CSMD1: variants seen among roughly 807,000 people sequenced by gnomAD.
CSMD1 encodes CUB and Sushi multiple domains 1, also known as CUB and sushi domain-containing protein 1.
CSMD1 carries 213 observed loss-of-function variants against 417.5 expected under a neutral mutation model. That is an observed-to-expected ratio of 0.51 (90% confidence interval 0.46 to 0.57). The LOEUF is 0.57. Among genes scored for constraint, CSMD1 ranks in the 20% least tolerant of loss-of-function variants. CSMD1 has a pLI of 0.00. For missense variants in CSMD1, 6,923 were observed against 4,529.7 expected (o/e 1.53, Z -15.17); for synonymous variants, 2,862 against 1,736.8 (o/e 1.65, Z -16.11).
chr8:3,764,427 G>A (rs1798162514), intron 5 of CSMD1, among the ~76,000 whole-genome samples: 1 of 152,176 alleles, frequency 6.6e-6, no homozygotes, highest in Non-Finnish European at 1.5e-5. Context: ...GTATGAGTGT[G>A]AGACACCTTA....
intron 21 of CSMD1, among the ~76,000 whole-genome samples, chr8:3,351,082 A>G (rs1808389842): frequency 6.6e-6 from 1 of 152,224 alleles, no homozygotes; most frequent in African/African-American, 2.4e-5. Flanking sequence ...AAAGTCTTCT[A>G]TTAGTATCTG....
chr8:4,727,439 G>A (rs371010382), intron 1 of CSMD1, among the ~76,000 whole-genome samples: 10 of 152,176 alleles, frequency 6.6e-5, no homozygotes, highest in South Asian at 2.1e-4. Context: ...GGAATTATGC[G>A]TAAGATAGTT....
At chr8:3,447,740 G>A (rs1784400332) in intron 12 of CSMD1, among the ~76,000 whole-genome samples, 1 of 152,214 alleles carries the variant, frequency 6.6e-6, no homozygotes, top group African/African-American at 2.4e-5. Flanking sequence ...CAGGTCACTT[G>A]GAGTGGCCAG....
chr8:3,584,217 A>G (rs558657020), intron 9 of CSMD1, among the ~76,000 whole-genome samples: 1 of 152,238 alleles, frequency 6.6e-6, no homozygotes, highest in East Asian at 1.9e-4. Flanking sequence ...CGAGGGAATC[A>G]TCAGTAAGAA....
At chr8:3,774,746 T>A (rs1384566154) in intron 5 of CSMD1, among the ~76,000 whole-genome samples, 1 of 152,204 alleles carries the variant, frequency 6.6e-6, no homozygotes. Context: ...AAAGGATTTC[T>A]ATTTACTATT....
At chr8:4,789,023 G>A (rs752988446) in intron 1 of CSMD1, among the ~76,000 whole-genome samples, 1 of 152,118 alleles carries the variant, frequency 6.6e-6, no homozygotes, top group Non-Finnish European at 1.5e-5. Flanking sequence ...CAGACTACCA[G>A]GGTCTCACTC....
chr8:3,444,885 T>C (rs1815205040), intron 12 of CSMD1, among the ~76,000 whole-genome samples: 1 of 152,166 alleles, frequency 6.6e-6, no homozygotes, highest in South Asian at 2.1e-4. Context: ...TTGTGGCATT[T>C]AGTCAATAAA....
In CSMD1 at chr8:3,254,984, T is replaced by G. The variant is rs182698880; in HGVS notation, c.4154-24753A>C. Among the ~76,000 whole-genome samples the G allele has an allele frequency of 2.6e-3, 390 of 152,324 alleles. 3 individuals carry two copies. The highest frequency in any genetic ancestry group is 9.1e-3 in the African/African-American group (379 of 41,572). On this transcript the variant is annotated intron_variant, in intron 26 of 69. Transcript: ENST00000635120. ...GTTTACAGTTTTTCTGCTCTGTTTT[T>G]TCCCCATCTTTGTGGTTTTATCTAC... is the stretch of plus-strand genomic sequence containing the variant.
chr8:4,227,029 T>A lies in CSMD1; in HGVS notation c.415+192924A>T, dbSNP rs936280287. 2.0e-5 allele frequency among the ~76,000 whole-genome samples: 3 copies of A among 152,234 alleles called. No homozygotes were observed. In the South Asian group the frequency reaches 6.2e-4, roughly 32 times the overall value. ...CCCGTCATTATCTCTGCAGGTGAGATGGGTCTGTATCAACTCTAAGACTGA... is the reference window on the plus strand; with the variant it reads ...CCCGTCATTATCTCTGCAGGTGAGAAGGGTCTGTATCAACTCTAAGACTGA... On this transcript the variant is annotated intron_variant, in intron 3 of 69. Coordinates refer to ENST00000635120, the MANE Select transcript of CSMD1 (RefSeq NM_033225.6).
chr8:4,790,526 C>G (rs1163509620), intron 1 of CSMD1, among the ~76,000 whole-genome samples: 1 of 152,112 alleles, frequency 6.6e-6, no homozygotes, highest in Non-Finnish European at 1.5e-5. Context: ...AAAGCTAAGG[C>G]AATCCTAAGC....
At chr8:3,897,911 T>C (rs1807472384) in intron 5 of CSMD1, among the ~76,000 whole-genome samples, 1 of 152,206 alleles carries the variant, frequency 6.6e-6, no homozygotes, top group East Asian at 1.9e-4. Flanking sequence ...GCCATGTGGA[T>C]GATACAGTGT....
intron 1 of CSMD1, among the ~76,000 whole-genome samples, chr8:4,911,799 G>T (rs60782594): frequency 1.3e-5 from 2 of 152,050 alleles, no homozygotes; most frequent in Non-Finnish European, 2.9e-5. Flanking sequence ...ATCACTTCTA[G>T]ATTGGAGTTG....
chr8:3,359,941 G>C (rs1282871577), intron 20 of CSMD1, among the ~76,000 whole-genome samples: 1 of 152,148 alleles, frequency 6.6e-6, no homozygotes, highest in African/African-American at 2.4e-5. Context: ...CTTCAAAACT[G>C]TCAGCTTGAG....
At chr8:4,342,072 T>C (rs1800507998) in intron 3 of CSMD1, among the ~76,000 whole-genome samples, 1 of 152,058 alleles carries the variant, frequency 6.6e-6, no homozygotes, top group South Asian at 2.1e-4. Flanking sequence ...GATCCTGCAG[T>C]TCAAGTAGCG....
chr8:4,070,492 G>A (rs1193873710), intron 3 of CSMD1, among the ~76,000 whole-genome samples: 1 of 151,974 alleles, frequency 6.6e-6, no homozygotes, highest in Admixed American at 6.6e-5. Flanking sequence ...CGAGTAGCTG[G>A]GACTACAGGC....
intron 2 of CSMD1, among the ~76,000 whole-genome samples, chr8:4,579,825 T>C (rs192404650): frequency 6.6e-6 from 1 of 152,152 alleles, no homozygotes; most frequent in Non-Finnish European, 1.5e-5. Flanking sequence ...TCTGTTAAAT[T>C]CTAGGATTCA....
At chr8:3,845,044 G>A (rs1425758004) in intron 5 of CSMD1, among the ~76,000 whole-genome samples, 1 of 152,064 alleles carries the variant, frequency 6.6e-6, no homozygotes, top group African/African-American at 2.4e-5. Context: ...ACACAATAAA[G>A]GTCTCCTGTG....
At chr8:3,226,229 G>C (rs902925729) in intron 27 of CSMD1, among the ~76,000 whole-genome samples, 4 of 152,128 alleles carry the variant, frequency 2.6e-5, no homozygotes, top group African/African-American at 9.7e-5. Context: ...TGGACTTGGG[G>C]AAAAGCAATT....
intron 3 of CSMD1, among the ~76,000 whole-genome samples, chr8:4,047,752 T>C (rs1194304070): frequency 2.0e-5 from 3 of 151,658 alleles, no homozygotes; most frequent in African/African-American, 7.3e-5. Flanking sequence ...CAAGAGAAAA[T>C]GGTATTTTTT....
Sources: allele counts gnomAD v4.1 joint callset (sites outside exome capture counted in the v4.1 genomes callset), GRCh38; gene constraint gnomAD v4.1.1; transcripts MANE v1.5; gene names NCBI Gene and HGNC (gene_info 2026-07-23, HGNC 2026-07-21).